The following EIF2AK1 variants were observed in gnomAD, a reference collection of about 807,000 sequenced individuals.
EIF2AK1 encodes eukaryotic translation initiation factor 2 alpha kinase 1.
Under a neutral mutation model 77.9 loss-of-function variants are expected in EIF2AK1, and 54 were observed. That is an observed-to-expected ratio of 0.69 (90% CI 0.56 to 0.87). EIF2AK1 has a LOEUF of 0.87. Among genes scored for constraint, EIF2AK1 ranks in the 40% least tolerant of loss-of-function variants. EIF2AK1 has a pLI of 0.00. For missense variants in EIF2AK1, 810 were observed against 768.6 expected (o/e 1.05, Z -0.64); for synonymous variants, 314 against 290.5 (o/e 1.08, Z -0.82).
At chr7:6,028,734 T>C (rs1787820428) in intron 12 of EIF2AK1, 37 bp from the exon 13 acceptor site, 3 of 1,590,566 alleles carry the variant, frequency 1.9e-6, no homozygotes, top group Non-Finnish European at 2.6e-6. Flanking sequence ...ACATTGCAGT[T>C]AGCGCTGTCA....
rs767185846 is a variant in EIF2AK1 at position 6,038,696 on chromosome 7, C to T, written c.1120-25G>A. The T allele has an allele frequency of 6.4e-6, 10 of 1,563,028 alleles. No individual in the cohort carries two copies. The South Asian group carries it at 6.9e-5, about 11-fold the overall frequency. On this transcript the variant is annotated intron_variant, in intron 9 of 14. Coordinates refer to ENST00000199389, the MANE Select transcript of EIF2AK1 (RefSeq NM_014413.4). ...CCTAGGAGAGGACACAGTGATGGCT[C>T]CCATCTTTGCACGATTCACTCGCAT...
At chr7:6,056,540 G>A (rs1196166578) in intron 1 of EIF2AK1, among the ~76,000 whole-genome samples, 1 of 144,372 alleles carries the variant, frequency 6.9e-6, no homozygotes. Context: ...GTTGCAGTGA[G>A]CCGAGATCGC....
At chr7:6,049,731 A>G (rs1788551939) in intron 3 of EIF2AK1, 181 bp downstream of exon 3, 1 of 520,638 alleles carries the variant, frequency 1.9e-6, no homozygotes, top group Non-Finnish European at 3.2e-6. Flanking sequence ...GCCTCAAATG[A>G]TCCATCTCAG....
intron 1 of EIF2AK1, among the ~76,000 whole-genome samples, chr7:6,057,126 CTTTTTT>C (rs34958065): frequency 8.8e-5 from 8 of 90,738 alleles, no homozygotes; most frequent in Non-Finnish European, 1.5e-4. Context: ...GACCCCATCT[CTTTTTT>C]TTTTTTTTTT....
intron 14 of EIF2AK1, chr7:6,026,362 G>A: frequency 6.7e-5 from 31 of 462,618 alleles, no homozygotes; most frequent in South Asian, 5.2e-4. Flanking sequence ...CCATGAGAAG[G>A]TGCAAACCCT....
chr7:6,050,344 G>C lies in EIF2AK1; in HGVS notation c.278-299C>G, dbSNP rs551515036. Among the ~76,000 whole-genome samples, 6 of 152,094 alleles carry C rather than the reference G, an allele frequency of 3.9e-5. No individual in the cohort carries two copies. In the East Asian group the frequency reaches 1.2e-3, roughly 30 times the overall value. ...CAAGTAGCTGGGATTACAGGCGTGT[G>C]CCACCATGCCCAGCTAATTTTTCTA... On this transcript the variant is annotated intron_variant, in intron 2 of 14. Coordinates refer to ENST00000199389, the MANE Select transcript of EIF2AK1 (RefSeq NM_014413.4).
intron 8 of EIF2AK1, 116 bp from the exon 9 acceptor site, chr7:6,041,335 T>C (rs953700126): frequency 9.5e-7 from 1 of 1,051,832 alleles, no homozygotes; most frequent in Non-Finnish European, 1.4e-6. Context: ...GGTCAGGAGT[T>C]GGAGACCAGC....
intron 2 of EIF2AK1, among the ~76,000 whole-genome samples, chr7:6,052,584 T>TA (rs56106343): frequency 0.16 from 15,569 of 96,996 alleles, 1,996 homozygotes; most frequent in African/African-American, 0.36. Context: ...ACTGTTTTGG[T>TA]AAAAAAAAAA....
intron 1 of EIF2AK1, among the ~76,000 whole-genome samples, 188 bp from the exon 2 acceptor site, chr7:6,054,892 G>A (rs745906516): frequency 3.9e-5 from 6 of 152,122 alleles, no homozygotes; most frequent in Non-Finnish European, 7.3e-5. Flanking sequence ...CTGAATCCTG[G>A]AAGCTGGAGG....
chr7:6,026,845 G>T lies in EIF2AK1; in HGVS notation c.1647C>A (p.Leu549=). The T allele has an allele frequency of 6.2e-7, 1 of 1,614,148 alleles. No individual in the cohort carries two copies. Among genetic ancestry groups the T allele is most frequent in the Non-Finnish European group, 8.5e-7 (1 of 1,180,034 alleles). ...GLRTGQLPES[L]RKRCPVQAKY... ...TGGCTTGCACTGGACACCTTTTACG[G>T]AGGGATTCCGGCAACTGACCAGTTC... Residue 549 remains leucine, a synonymous_variant, in exon 14 of 15, where the codon CTC becomes CTA. Transcript: ENST00000199389.
Position 6,043,022 on chromosome 7 carries a change from C to T in EIF2AK1, c.731-29G>A, listed in dbSNP as rs186593266. 1.2e-3 allele frequency: 1,883 copies of T among 1,609,766 alleles called. 3 individuals are homozygous for T. The highest frequency in any genetic ancestry group is 1.4e-3 in the Admixed American group (85 of 59,718). On this transcript the variant is annotated intron_variant, in intron 7 of 14. Transcript: ENST00000199389. ...AATGAAAACAAACAACAATCATCTT[C>T]AAACAGCCCAGTTTTTCAAATTGTA... is the stretch of plus-strand genomic sequence containing the variant.
Position 6,040,950 on chromosome 7 carries a change from C to T in EIF2AK1, c.1061G>A (p.Ser354Asn). 1.2e-6 allele frequency: 2 copies of T among 1,614,118 alleles called. No individual in the cohort carries two copies. The highest frequency in any genetic ancestry group is 8.5e-7 in the Non-Finnish European group (1 of 1,180,020). ...GGAAGATTCTTCGGTGGATGTGAAA[C>T]TCTCCTCTAGGTGGGAATTACGCCT... ...PLRRNSHLEE[S>N]FTSTEESSEE... Residue 354 changes from serine (S) to asparagine (N), a missense_variant, in exon 9 of 15, where the codon AGT (serine) becomes AAT (asparagine). This residue lies in a region of EIF2AK1 where 549 missense variants were observed against 533.7 expected (regional missense o/e 1.03). Coordinates refer to ENST00000199389, the MANE Select transcript of EIF2AK1 (RefSeq NM_014413.4).
intron 2 of EIF2AK1, among the ~76,000 whole-genome samples, chr7:6,051,399 G>A (rs958951586): frequency 2.0e-5 from 3 of 151,672 alleles, no homozygotes; most frequent in Non-Finnish European, 2.9e-5. Context: ...AGTCGCCTGA[G>A]TAGCTGGGAT....
rs117957690 is a variant in EIF2AK1, at chr7:6,045,183, C to G, written c.631-522G>C. On this transcript the variant is annotated intron_variant, in intron 6 of 14. Coordinates refer to ENST00000199389, the MANE Select transcript of EIF2AK1 (RefSeq NM_014413.4). Reference sequence around the variant, plus strand: ...AGTGAAGTGATGCCATCTTGGCTCACTGCAATCACTTTGCTGGGTTCAAGT... The same window carrying G: ...AGTGAAGTGATGCCATCTTGGCTCAGTGCAATCACTTTGCTGGGTTCAAGT... 5.0e-3 allele frequency among the ~76,000 whole-genome samples: 757 copies of G among 151,764 alleles called. 6 individuals are homozygous for G. Among genetic ancestry groups the G allele is most frequent in the Non-Finnish European group, 8.1e-3 (553 of 67,960 alleles).
At position 6,033,011 on chromosome 7, in the gene EIF2AK1, C is replaced by T; in HGVS notation, c.1333-3979G>A. 2 of 1,314,092 alleles carry T rather than the reference C, an allele frequency of 1.5e-6. No individual in the cohort carries two copies. Among genetic ancestry groups the T allele is most frequent in the South Asian group, 1.3e-5 (1 of 76,910 alleles). 81.4% of individuals were successfully genotyped at this position (1,314,092 alleles called of 1,614,324 possible). On this transcript the variant is annotated intron_variant, in intron 11 of 14. Coordinates refer to ENST00000199389, the MANE Select transcript of EIF2AK1 (RefSeq NM_014413.4). This position sits in a 1 kb window ranked among gnomAD's most constrained non-coding sequence, Gnocchi z 4.4. ...GAGGCAGGGGTCTCGCTCTGTTGCC[C>T]AGGCTGGAGTGCAATGGCACAATCT...
In EIF2AK1 at chr7:6,035,920, TACTC is replaced by T. The variant is rs1434271216; in HGVS notation, c.1332+1500_1332+1503del. The T allele has an allele frequency of 2.6e-6, 4 of 1,547,394 alleles. No homozygotes were observed. The highest frequency in any genetic ancestry group is 2.0e-5 in the Admixed American group (1 of 50,832). On this transcript the variant is annotated intron_variant, in intron 11 of 14. Coordinates refer to ENST00000199389, the MANE Select transcript of EIF2AK1 (RefSeq NM_014413.4). This position sits in a 1 kb window ranked among gnomAD's most constrained non-coding sequence, Gnocchi z 5.5. ...GCGGGGGTCAGCTGCATCCGTCTGCTACTCACTCACGGAGCCAAAGTCAACGCCC... is the reference window on the plus strand; with the variant it reads ...GCGGGGGTCAGCTGCATCCGTCTGCTACTCACGGAGCCAAAGTCAACGCCC...
Position 6,024,644 on chromosome 7 carries a change from G to A in EIF2AK1, c.*29C>T. 1 of 1,613,352 alleles carries A rather than the reference G, an allele frequency of 6.2e-7. No individual in the cohort carries two copies. The highest frequency in any genetic ancestry group is 1.3e-5 in the African/African-American group (1 of 74,932). On this transcript the variant is annotated 3_prime_UTR_variant, in exon 15 of 15. Transcript: ENST00000199389. ...ATAAAGATTAAAAATTTACATTCCA[G>A]TTAACTACCTTAAAAGTTAAGTCCA...
Position 6,059,160 on chromosome 7 carries a change from C to A in EIF2AK1, c.-77G>T. The A allele has an allele frequency of 9.7e-7, 1 of 1,029,998 alleles. No individual in the cohort carries two copies. Among genetic ancestry groups the A allele is most frequent in the Non-Finnish European group, 1.3e-6 (1 of 773,944 alleles). The allele number at this position is 1,029,998 out of a possible 1,614,324, so 63.8% of individuals were successfully genotyped here. A position where few individuals can be genotyped will look rare whatever the true frequency, so the allele number is the denominator to read the frequency against. On this transcript the variant is annotated 5_prime_UTR_variant, in exon 1 of 15. Transcript: ENST00000199389. ...CACACTCCGATGCTGCAGCTAGCGC[C>A]GTCCGACCCGGAAGTAACCCCTCAC...
chr7:6,056,121 C>T (rs140038875), intron 1 of EIF2AK1, among the ~76,000 whole-genome samples: 2 of 150,772 alleles, frequency 1.3e-5, no homozygotes, highest in East Asian at 2.0e-4. Flanking sequence ...GGTGAAACAC[C>T]GTCTCTACTA....
Sources: allele counts gnomAD v4.1 joint callset (sites outside exome capture counted in the v4.1 genomes callset), GRCh38; gene constraint gnomAD v4.1.1; regional missense constraint gnomAD v4.1.1; non-coding constraint Gnocchi (gnomAD v3.1); transcripts MANE v1.5; gene names NCBI Gene and HGNC (gene_info 2026-07-23, HGNC 2026-07-21).